The following FHOD3 variants were observed in gnomAD, a reference collection of about 807,000 sequenced individuals.
FHOD3 encodes FH1/FH2 domain-containing protein 3.
A neutral mutation model predicts 173.0 loss-of-function variants in FHOD3; 90 were observed. The observed-to-expected ratio is 0.52, with a 90% CI of 0.44 to 0.62. FHOD3 has a LOEUF of 0.62. Among genes scored for constraint, FHOD3 ranks in the 20% least tolerant of loss-of-function variants. FHOD3 has a pLI of 0.00. For synonymous variants in FHOD3, 828 were observed against 823.0 expected (o/e 1.01, Z -0.10); for missense variants, 1,945 against 2,034.7 (o/e 0.96, Z 0.85).
At position 36,718,397 on chromosome 18, in the gene FHOD3, GC is replaced by G; in HGVS notation, c.3104del (p.Pro1035HisfsTer33). 8.2e-7 allele frequency: 1 copy of G among 1,226,510 alleles called. No homozygotes were observed. Among genetic ancestry groups the G allele is most frequent in the Non-Finnish European group, 1.0e-6 (1 of 971,054 alleles). 76.0% of individuals were successfully genotyped at this position (1,226,510 alleles called of 1,614,324 possible). A position where few individuals can be genotyped will look rare whatever the true frequency, so the allele number is the denominator to read the frequency against. On this transcript the variant is annotated frameshift_variant, in exon 19 of 29. Coordinates refer to ENST00000590592, the MANE Select transcript of FHOD3 (RefSeq NM_001281740.3). LOFTEE classifies it high-confidence loss of function. ...PPPPTFLGLP[P>X]PPPPPLLDSI... ...CCCCACCCACCTTTCTGGGTTTGCC[GC>G]CCCCACCCCCTCCGCCCCTGTTGGA...
At chr18:36,669,267 C>A (rs1267142420) in intron 14 of FHOD3, among the ~76,000 whole-genome samples, 1 of 151,498 alleles carries the variant, frequency 6.6e-6, no homozygotes, top group Non-Finnish European at 1.5e-5. Context: ...ATTAATATAG[C>A]CTCAGCTTTA....
In FHOD3 at chr18:36,501,948, C is replaced by T. The variant is rs752495104; in HGVS notation, c.354C>T (p.Ser118=). The part of the protein sequence containing the change: ...VHACIEKLYN[S]SGRDLRRALF... ...TTATTTCAGAAAAACTATACAACTC[C>T]AGCGGACGAGATTTGAGAAGGGCCC... Residue 118 remains serine (S), a synonymous_variant, in exon 4 of 29, where the codon TCC becomes TCT. Transcript: ENST00000590592. 1 of 1,604,124 alleles carries T rather than the reference C, an allele frequency of 6.2e-7. No individual in the cohort carries two copies.
intron 21 of FHOD3, 124 bp from the exon 22 acceptor site, chr18:36,742,613 A>G: frequency 1.9e-6 from 2 of 1,056,908 alleles, no homozygotes; most frequent in East Asian, 2.5e-5. Flanking sequence ...AGCAATGCCC[A>G]TCGCGGGGGA....
chr18:36,401,105 G>A (rs192495536), intron 3 of FHOD3, among the ~76,000 whole-genome samples: 9 of 152,272 alleles, frequency 5.9e-5, no homozygotes, highest in East Asian at 3.9e-4. Context: ...GATGCATGGC[G>A]TGCTGTGGTC....
At chr18:36,499,793 A>T (rs1391560023) in intron 3 of FHOD3, among the ~76,000 whole-genome samples, 1 of 152,110 alleles carries the variant, frequency 6.6e-6, no homozygotes, top group African/African-American at 2.4e-5. Context: ...GGGATGGTTG[A>T]TTCCTCTGGA....
chr18:36,311,918 G>A lies in FHOD3; in HGVS notation c.165+13918G>A, dbSNP rs1180144945. On this transcript the variant is annotated intron_variant, in intron 1 of 28. Transcript: ENST00000590592. ...CCTTCCCTCTGAGATCCTCCCATTAGCATTTAGGTGGGCTAAAGCCTCTTT... is the reference window on the plus strand; with the variant it reads ...CCTTCCCTCTGAGATCCTCCCATTAACATTTAGGTGGGCTAAAGCCTCTTT... 7.2e-5 allele frequency among the ~76,000 whole-genome samples: 11 copies of A among 152,196 alleles called. No individual in the cohort carries two copies. In the East Asian group the frequency reaches 7.7e-4, roughly 11 times the overall value.
intron 3 of FHOD3, among the ~76,000 whole-genome samples, chr18:36,382,557 A>G (rs919563541): frequency 2.0e-5 from 3 of 152,202 alleles, no homozygotes; most frequent in Non-Finnish European, 4.4e-5. Context: ...TTTTGTTTCA[A>G]CTAGAAGGTC....
chr18:36,494,418 T>C (rs1034287111), intron 3 of FHOD3, among the ~76,000 whole-genome samples: 6 of 152,218 alleles, frequency 3.9e-5, no homozygotes, highest in Non-Finnish European at 7.3e-5. Context: ...ACAAATAATG[T>C]TCTGATTACA....
At chr18:36,605,729 A>T (rs2031993692) in intron 8 of FHOD3, among the ~76,000 whole-genome samples, 3 of 152,202 alleles carry the variant, frequency 2.0e-5, no homozygotes, top group African/African-American at 7.2e-5. Flanking sequence ...GTAGTAATGC[A>T]TGTTGCCCAA....
chr18:36,578,610 C>T (rs2058740676), intron 6 of FHOD3, among the ~76,000 whole-genome samples: 1 of 152,180 alleles, frequency 6.6e-6, no homozygotes, highest in Non-Finnish European at 1.5e-5. Context: ...GGAGTCCATC[C>T]CCTGGCCCTA....
intron 27 of FHOD3, among the ~76,000 whole-genome samples, chr18:36,766,840 T>C (rs2043159597): frequency 6.6e-6 from 1 of 152,242 alleles, no homozygotes; most frequent in Non-Finnish European, 1.5e-5. Context: ...GGCCCAGTGC[T>C]CTGCAAATGT....
intron 3 of FHOD3, among the ~76,000 whole-genome samples, chr18:36,398,572 G>C (rs891154845): frequency 1.5e-4 from 23 of 152,176 alleles, no homozygotes; most frequent in African/African-American, 5.3e-4. Flanking sequence ...CTGTTGTGTA[G>C]TCTCAATGAT....
rs73433543 is a variant in FHOD3, at chr18:36,640,074, T to C, written c.1197-9242T>C. On this transcript the variant is annotated intron_variant, in intron 10 of 28. Coordinates refer to ENST00000590592, the MANE Select transcript of FHOD3 (RefSeq NM_001281740.3). Reference sequence around the variant, plus strand: ...ATTCTAAAACAAAATAGCAAAATAATGGCTTATGTATTAAGGTACTAGCCC... The same window carrying C: ...ATTCTAAAACAAAATAGCAAAATAACGGCTTATGTATTAAGGTACTAGCCC... Among the ~76,000 whole-genome samples the C allele has an allele frequency of 5.9e-3, 904 of 152,320 alleles. 4 individuals are homozygous for C. The highest frequency in any genetic ancestry group is 0.02 in the African/African-American group (816 of 41,576).
chr18:36,710,334 A>G (rs1409149231), intron 18 of FHOD3: 1 of 152,246 alleles, frequency 6.6e-6, no homozygotes, highest in Non-Finnish European at 1.5e-5. Context: ...CTTAAGCTAC[A>G]TATGAGTGGC....
intron 3 of FHOD3, among the ~76,000 whole-genome samples, chr18:36,426,691 G>T (rs1037901152): frequency 1.3e-5 from 2 of 152,182 alleles, no homozygotes; most frequent in African/African-American, 2.4e-5. Context: ...CTACCTTGTT[G>T]TAAGCACTGG....
Position 36,780,099 on chromosome 18 carries a change from G to A in FHOD3, c.*569G>A. 2.7e-5 allele frequency: 33 copies of A among 1,224,200 alleles called. No homozygotes were observed. Among genetic ancestry groups the A allele is most frequent in the Non-Finnish European group, 3.4e-5 (33 of 980,744 alleles). The allele number at this position is 1,224,200 out of a possible 1,614,324, so 75.8% of individuals were successfully genotyped here. Reference sequence around the variant, plus strand: ...TCTTCTGGGAACAGGACCTTAAACAGTTCCACAGGCTCGCCTCTTCAGAAT... The same window carrying A: ...TCTTCTGGGAACAGGACCTTAAACAATTCCACAGGCTCGCCTCTTCAGAAT... On this transcript the variant is annotated 3_prime_UTR_variant, in exon 29 of 29. Transcript: ENST00000590592.
At chr18:36,454,947 A>G (rs1332634704) in intron 3 of FHOD3, among the ~76,000 whole-genome samples, 2 of 151,858 alleles carry the variant, frequency 1.3e-5, no homozygotes, top group Non-Finnish European at 2.9e-5. Context: ...CTTAGATTTC[A>G]CCTTTCTCTC....
At chr18:36,475,009 ACACACACACACACACACACACACACT>A (rs1403449440) in intron 3 of FHOD3, among the ~76,000 whole-genome samples, 4 of 130,074 alleles carry the variant, frequency 3.1e-5, no homozygotes, top group African/African-American at 5.8e-5. Flanking sequence ...ACACACACAC[ACACACACACACACACACACACACACT>A]CTGCAAAATT....
chr18:36,430,035 G>T (rs2050449662), intron 3 of FHOD3, among the ~76,000 whole-genome samples: 1 of 152,174 alleles, frequency 6.6e-6, no homozygotes, highest in Non-Finnish European at 1.5e-5. Flanking sequence ...TTGTGGTTCT[G>T]GGTGTGAAGC....
Sources: gnomAD v4.1 joint callset for allele counts (sites outside exome capture counted in the v4.1 genomes callset) on GRCh38, gnomAD v4.1.1 for gene constraint, MANE v1.5 for transcripts, NCBI Gene and HGNC (gene_info 2026-07-23, HGNC 2026-07-21) for gene names.